FMN2: variants seen among roughly 807,000 people sequenced by gnomAD.
The protein encoded by FMN2 is formin-2.
FMN2 carries 51 observed loss-of-function variants against 142.3 expected under a neutral mutation model. The observed-to-expected ratio is 0.36, with a 90% CI of 0.29 to 0.45. The LOEUF (loss-of-function observed/expected upper bound fraction) is 0.45. Among genes scored for constraint, FMN2 ranks in the 20% least tolerant of loss-of-function variants. The pLI is 1.00. For synonymous variants in FMN2, 882 were observed against 869.8 expected, an observed-to-expected ratio of 1.01 and a Z score of -0.25; for missense variants, 1,936 against 2,122.8, an observed-to-expected ratio of 0.91 and a Z score of 1.73.
chr1:240,200,415 T>A (rs1235322937), intron 4 of FMN2, among the ~76,000 whole-genome samples: 1 of 152,186 alleles, frequency 6.6e-6, no homozygotes, highest in Non-Finnish European at 1.5e-5. Flanking sequence ...ACAGGAAATA[T>A]CTCAGCTGAC....
At chr1:240,449,391 C>G (rs906402979) in intron 16 of FMN2, among the ~76,000 whole-genome samples, 2 of 152,080 alleles carry the variant, frequency 1.3e-5, no homozygotes, top group African/African-American at 4.8e-5. Flanking sequence ...CAAGGTTGGC[C>G]TTAGAAACTT....
rs1235130686 is a variant in FMN2, at chr1:240,365,212, TATACACACAGACACAC to T, written c.4858+9308_4858+9323del. On this transcript the variant is annotated intron_variant, in intron 14 of 17. Transcript: ENST00000319653. ...ATACATACATATGTGTGTGTATATA[TATACACACAGACACAC>T]ATATATATACACATATACATACATA... Among the ~76,000 whole-genome samples, 313 of 134,502 alleles carry T rather than the reference TATACACACAGACACAC, an allele frequency of 2.3e-3. 4 individuals are homozygous for T. The highest frequency in any genetic ancestry group is 9.5e-3 in the African/African-American group (298 of 31,382). 88.2% of individuals were successfully genotyped at this position (134,502 alleles called of 152,430 possible).
At chr1:240,108,569 G>A (rs1413382926) in intron 1 of FMN2, among the ~76,000 whole-genome samples, 1 of 152,164 alleles carries the variant, frequency 6.6e-6, no homozygotes, top group Non-Finnish European at 1.5e-5. Flanking sequence ...TATCAGGGAA[G>A]TTTATTAGAT....
rs111968318 is a variant in FMN2 at position 240,213,310 on chromosome 1, A to G, written c.4065+2075A>G. The stretch of plus-strand genomic sequence containing the variant: ...CAGCTTCAAACAGGGTTTATGGGAC[A>G]GTCTCCATCATGACTCCAGATAAAC... On this transcript the variant is annotated intron_variant, in intron 6 of 17. Transcript: ENST00000319653. Among the ~76,000 whole-genome samples, 711 of 152,266 alleles carry G rather than the reference A, an allele frequency of 4.7e-3. 5 individuals carry two copies. The highest frequency in any genetic ancestry group is 0.017 in the African/African-American group (689 of 41,550).
intron 13 of FMN2, among the ~76,000 whole-genome samples, chr1:240,338,914 G>T (rs1671655132): frequency 6.6e-6 from 1 of 152,164 alleles, no homozygotes; most frequent in African/African-American, 2.4e-5. Flanking sequence ...CCATCTGGGG[G>T]TGATGGGAGA....
intron 14 of FMN2, among the ~76,000 whole-genome samples, chr1:240,382,522 G>T (rs1403494699): frequency 2.0e-5 from 3 of 152,046 alleles, no homozygotes; most frequent in Non-Finnish European, 4.4e-5. Context: ...TTAGCCAGGT[G>T]TGGTGGTGGC....
At chr1:240,452,020 T>A (rs984127050) in intron 16 of FMN2, among the ~76,000 whole-genome samples, 2 of 151,912 alleles carry the variant, frequency 1.3e-5, no homozygotes, top group African/African-American at 4.8e-5. Flanking sequence ...TGAAACCCCG[T>A]CTCTACTAAA....
intron 2 of FMN2, chr1:240,142,589 G>A (rs1421255427): frequency 1.1e-5 from 16 of 1,400,760 alleles, no homozygotes; most frequent in Non-Finnish European, 1.4e-5. Context: ...CCGGAAGTCT[G>A]CAGCTGTGTC....
chr1:240,285,093 C>T (rs1400304325), intron 7 of FMN2: 5 of 350,318 alleles, frequency 1.4e-5, no homozygotes, highest in Admixed American at 2.9e-5. Flanking sequence ...TTTCTGTTAC[C>T]CTGTTTTTTG....
At chr1:240,465,177 A>T (rs2103236226) in intron 16 of FMN2, among the ~76,000 whole-genome samples, 1 of 152,250 alleles carries the variant, frequency 6.6e-6, no homozygotes, top group South Asian at 2.1e-4. Flanking sequence ...ACTTCCCCAG[A>T]TCACCTTAAT....
At chr1:240,187,108 A>G (rs1665499079) in intron 3 of FMN2, among the ~76,000 whole-genome samples, 1 of 150,652 alleles carries the variant, frequency 6.6e-6, no homozygotes, top group South Asian at 2.1e-4. Flanking sequence ...GTACCAAAAA[A>G]AAAAAAAAAA....
chr1:240,110,812 C>CT (rs572874545), intron 1 of FMN2, among the ~76,000 whole-genome samples: 14 of 152,046 alleles, frequency 9.2e-5, no homozygotes, highest in African/African-American at 3.4e-4. Context: ...TATGCAAGCC[C>CT]TTTTTTTTAA....
chr1:240,257,870 G>A (rs888747201), intron 6 of FMN2, 75 bp from the exon 7 acceptor site: 3 of 1,211,878 alleles, frequency 2.5e-6, no homozygotes, highest in Non-Finnish European at 3.6e-6. Flanking sequence ...TCTTCATTTA[G>A]GATTTTTTAA....
intron 16 of FMN2, among the ~76,000 whole-genome samples, chr1:240,453,415 A>C (rs1273093546): frequency 6.6e-6 from 1 of 152,200 alleles, no homozygotes; most frequent in East Asian, 1.9e-4. Context: ...AACAATCGAC[A>C]TATCAATCAC....
intron 7 of FMN2, among the ~76,000 whole-genome samples, chr1:240,271,575 T>C (rs1445014224): frequency 6.6e-6 from 1 of 152,062 alleles, no homozygotes; most frequent in Non-Finnish European, 1.5e-5. Context: ...ATTAAAAATG[T>C]ACTAAATGCT....
chr1:240,276,432 A>C (rs1669215382), intron 7 of FMN2, among the ~76,000 whole-genome samples: 1 of 152,066 alleles, frequency 6.6e-6, no homozygotes, highest in African/African-American at 2.4e-5. Flanking sequence ...TAATTTGAGG[A>C]GAAGCTTCAT....
At chr1:240,122,099 A>AT (rs1236639958) in intron 1 of FMN2, among the ~76,000 whole-genome samples, 3 of 117,120 alleles carry the variant, frequency 2.6e-5, no homozygotes, top group Non-Finnish European at 5.9e-5. Flanking sequence ...TTTATGAATT[A>AT]TTTTTTGAGA....
At chr1:240,308,569 C>T (rs1670494452) in intron 8 of FMN2, among the ~76,000 whole-genome samples, 1 of 152,088 alleles carries the variant, frequency 6.6e-6, no homozygotes, top group African/African-American at 2.4e-5. Context: ...AACTAAGAAC[C>T]CACGACTGTA....
chr1:240,329,756 C>T (rs552070209), intron 10 of FMN2, among the ~76,000 whole-genome samples: 3 of 152,122 alleles, frequency 2.0e-5, no homozygotes, highest in African/African-American at 4.8e-5. Context: ...TCAGTTTTCA[C>T]GGTCCTCTCA....
Sources: allele counts gnomAD v4.1 joint callset (sites outside exome capture counted in the v4.1 genomes callset), GRCh38; gene constraint gnomAD v4.1.1; transcripts MANE v1.5; gene names NCBI Gene and HGNC (gene_info 2026-07-23, HGNC 2026-07-21).